Variants in ZMIZ1 observed in about 807,000 individuals in gnomAD.
ZMIZ1 encodes zinc finger MIZ-type containing 1.
Under a neutral mutation model 113.9 loss-of-function variants are expected in ZMIZ1, and 17 were observed. That is an observed-to-expected ratio of 0.15 (90% CI 0.10 to 0.22). The LOEUF is 0.22. Ranked by LOEUF, ZMIZ1 falls within the 10% of genes least tolerant of loss-of-function variation. The pLI is 1.00. For missense variants in ZMIZ1, 1,059 were observed against 1,477.8 expected (o/e 0.72, Z 4.65); for synonymous variants, 607 against 603.1 (o/e 1.01, Z -0.09).
intron 2 of ZMIZ1, among the ~76,000 whole-genome samples, chr10:79,123,861 G>C (rs1844404181): frequency 1.3e-5 from 2 of 152,224 alleles, no homozygotes; most frequent in Non-Finnish European, 1.5e-5. Context: ...GCCTGGCCAG[G>C]GCCCAGCCCG....
chr10:79,133,636 T>A (rs1844867505), intron 2 of ZMIZ1, among the ~76,000 whole-genome samples: 1 of 152,132 alleles, frequency 6.6e-6, no homozygotes, highest in Non-Finnish European at 1.5e-5. Context: ...ATGGGGACCT[T>A]GGTAGTGCAT....
chr10:79,077,352 G>A (rs1842507163), intron 1 of ZMIZ1, among the ~76,000 whole-genome samples: 1 of 152,172 alleles, frequency 6.6e-6, no homozygotes, highest in South Asian at 2.1e-4. Context: ...GTGTGCAAGT[G>A]GGACGCGACC....
intron 3 of ZMIZ1, among the ~76,000 whole-genome samples, chr10:79,154,424 G>T (rs1429370141): frequency 6.6e-6 from 1 of 152,142 alleles, no homozygotes; most frequent in Non-Finnish European, 1.5e-5. Context: ...CAGGTGGTTG[G>T]CACCAAGCAG....
At chr10:79,129,429 CTCT>C (rs1844655805) in intron 2 of ZMIZ1, among the ~76,000 whole-genome samples, 1 of 152,240 alleles carries the variant, frequency 6.6e-6, no homozygotes, top group African/African-American at 2.4e-5. Flanking sequence ...CCACAGGATC[CTCT>C]TCTTGGCGCA....
chr10:79,251,578 T>G (rs1357922900), intron 7 of ZMIZ1, among the ~76,000 whole-genome samples: 1 of 152,138 alleles, frequency 6.6e-6, no homozygotes, highest in Non-Finnish European at 1.5e-5. Flanking sequence ...AGCCCCGAAC[T>G]GGTAGAACAT....
intron 16 of ZMIZ1, 93 bp downstream of exon 16, chr10:79,299,284 G>A: frequency 4.0e-6 from 6 of 1,492,690 alleles, no homozygotes; most frequent in Non-Finnish European, 5.3e-6. Context: ...TGGGCAGGGG[G>A]TAGCAGCATC....
chr10:79,230,510 C>G (rs935457359), intron 7 of ZMIZ1, among the ~76,000 whole-genome samples: 4 of 152,224 alleles, frequency 2.6e-5, no homozygotes, highest in African/African-American at 9.7e-5. Context: ...CTCAGATGTG[C>G]GCCCCAGATG....
At chr10:79,198,951 T>C (rs1376966559) in intron 4 of ZMIZ1, among the ~76,000 whole-genome samples, 3 of 151,526 alleles carry the variant, frequency 2.0e-5, no homozygotes, top group African/African-American at 4.9e-5. Context: ...GGAGAATCAC[T>C]TGAACCTGGG....
Position 79,276,657 on chromosome 10 carries a change from A to G in ZMIZ1, c.281-524A>G, listed in dbSNP as rs1852310944. Among the ~76,000 whole-genome samples, 4 of 152,144 alleles carry G rather than the reference A, an allele frequency of 2.6e-5. No homozygotes were observed. The South Asian group carries it at 8.3e-4, about 32-fold the overall frequency. On this transcript the variant is annotated intron_variant, in intron 7 of 24. Coordinates refer to ENST00000334512, the MANE Select transcript of ZMIZ1 (RefSeq NM_020338.4). ...GAGTTTCAGGGACAGCCCTGCAGAC[A>G]CTCCTAGGTTGTCAGCAGATTCCAA...
intron 7 of ZMIZ1, among the ~76,000 whole-genome samples, chr10:79,276,374 G>A (rs986084944): frequency 1.3e-5 from 2 of 152,160 alleles, no homozygotes; most frequent in African/African-American, 4.8e-5. Context: ...TGGCCACGTG[G>A]GGACAGTGAA....
Position 79,298,318 on chromosome 10 carries a change from CTGGGAT to C in ZMIZ1, c.1492-87_1492-82del, listed in dbSNP as rs1854045280. The C allele has an allele frequency of 1.7e-5, 24 of 1,434,664 alleles. No homozygotes were observed. In the South Asian group the frequency reaches 3.0e-4, roughly 18 times the overall value. 88.9% of individuals were successfully genotyped at this position (1,434,664 alleles called of 1,614,324 possible). A position where few individuals can be genotyped will look rare whatever the true frequency, so the allele number is the denominator to read the frequency against. On this transcript the variant is annotated intron_variant, in intron 14 of 24. Coordinates refer to ENST00000334512, the MANE Select transcript of ZMIZ1 (RefSeq NM_020338.4). ...TCCCGAGGGGCATGGCTCCAGGCCC[CTGGGAT>C]GAGTGCGGTGTATGTCCATAGCCAT...
At chr10:79,135,091 A>G (rs1160803451) in intron 2 of ZMIZ1, among the ~76,000 whole-genome samples, 1 of 152,258 alleles carries the variant, frequency 6.6e-6, no homozygotes, top group Non-Finnish European at 1.5e-5. Flanking sequence ...TGCTAGGATT[A>G]CAGGCATGAT....
At chr10:79,072,897 C>G (rs545507213) in intron 1 of ZMIZ1, among the ~76,000 whole-genome samples, 2 of 152,352 alleles carry the variant, frequency 1.3e-5, no homozygotes, top group Admixed American at 1.3e-4. Flanking sequence ...TGCTCATGCC[C>G]TTTGGGGGAG....
intron 4 of ZMIZ1, among the ~76,000 whole-genome samples, chr10:79,169,245 G>A (rs546908680): frequency 6.6e-6 from 1 of 152,080 alleles, no homozygotes; most frequent in African/African-American, 2.4e-5. Flanking sequence ...CAGACTTCCC[G>A]TCACAACCCC....
At position 79,313,581 on chromosome 10, in the gene ZMIZ1, T is replaced by TC; in HGVS notation, c.*832_*833insC. On this transcript the variant is annotated 3_prime_UTR_variant, in exon 25 of 25. Coordinates refer to ENST00000334512, the MANE Select transcript of ZMIZ1 (RefSeq NM_020338.4). The stretch of plus-strand genomic sequence containing the variant: ...GGTGTACACCCAACCAAAGTGATTG[T>TC]GCCCTTGGTTGGGGGGCGCGGGCAT... 2 of 208,340 alleles carry TC rather than the reference T, an allele frequency of 9.6e-6. No homozygotes were observed. Among genetic ancestry groups the TC allele is most frequent in the Admixed American group, 5.4e-5 (1 of 18,482 alleles). 12.9% of individuals were successfully genotyped at this position (208,340 alleles called of 1,614,324 possible). A position where few individuals can be genotyped will look rare whatever the true frequency, so the allele number is the denominator to read the frequency against.
intron 1 of ZMIZ1, among the ~76,000 whole-genome samples, chr10:79,083,336 A>G (rs1248422679): frequency 6.6e-6 from 1 of 152,180 alleles, no homozygotes; most frequent in East Asian, 1.9e-4. Flanking sequence ...TGGGAACAGC[A>G]TGTGCAAAGG....
intron 7 of ZMIZ1, among the ~76,000 whole-genome samples, chr10:79,239,248 C>T (rs1849712461): frequency 1.3e-5 from 2 of 152,212 alleles, no homozygotes; most frequent in East Asian, 1.9e-4. Flanking sequence ...CTTCCTTGGG[C>T]AACTGAGCTG....
chr10:79,202,261 A>AT (rs1258885630), intron 5 of ZMIZ1, among the ~76,000 whole-genome samples: 2 of 150,800 alleles, frequency 1.3e-5, no homozygotes, highest in African/African-American at 2.4e-5. Flanking sequence ...AAGAAAAGAA[A>AT]TTAAAGCTGA....
chr10:79,239,397 G>A (rs991945913), intron 7 of ZMIZ1, among the ~76,000 whole-genome samples: 3 of 152,216 alleles, frequency 2.0e-5, no homozygotes, highest in Non-Finnish European at 1.5e-5. Flanking sequence ...AGCTCCCAGG[G>A]CCTGAGCTCA....
Sources: gnomAD v4.1 joint callset for allele counts (sites outside exome capture counted in the v4.1 genomes callset) on GRCh38, gnomAD v4.1.1 for gene constraint, MANE v1.5 for transcripts, NCBI Gene and HGNC (gene_info 2026-07-23, HGNC 2026-07-21) for gene names.